WDR76: variants seen among roughly 807,000 people sequenced by gnomAD.
WDR76 encodes WD repeat domain 76.
Under a neutral mutation model 70.2 loss-of-function variants are expected in WDR76, and 52 were observed. The observed-to-expected ratio is 0.74, with a 90% CI of 0.59 to 0.93. WDR76 has a LOEUF of 0.93. WDR76 is among the 40% of genes least tolerant of loss of function. The pLI is 0.00. For synonymous variants in WDR76, 292 were observed against 271.1 expected (o/e 1.08, Z -0.76); for missense variants, 756 against 760.2 (o/e 0.99, Z 0.07).
chr15:43,830,876 G>A (rs2087578907), intron 2 of WDR76, among the ~76,000 whole-genome samples: 1 of 152,110 alleles, frequency 6.6e-6, no homozygotes, highest in South Asian at 2.1e-4. Flanking sequence ...GTGAAAGCCT[G>A]TCTCTCCTAA....
At chr15:43,827,389 G>T (rs2141718329) in intron 1 of WDR76, among the ~76,000 whole-genome samples, 1 of 152,272 alleles carries the variant, frequency 6.6e-6, no homozygotes, top group South Asian at 2.1e-4. Flanking sequence ...TGGGGTATTT[G>T]CCCCAGTCAC....
At chr15:43,838,601 T>C (rs1209991527) in intron 4 of WDR76, among the ~76,000 whole-genome samples, 1 of 152,260 alleles carries the variant, frequency 6.6e-6, no homozygotes, top group Admixed American at 6.5e-5. Context: ...GATTTTCTTA[T>C]TTTGCTCATC....
chr15:43,856,451 G>T (rs2087927988), intron 9 of WDR76, among the ~76,000 whole-genome samples: 1 of 152,170 alleles, frequency 6.6e-6, no homozygotes, highest in Non-Finnish European at 1.5e-5. Context: ...TTCACATTCA[G>T]TTCTTTTCTG....
chr15:43,842,928 G>C (rs1248624654), intron 7 of WDR76, among the ~76,000 whole-genome samples: 1 of 151,370 alleles, frequency 6.6e-6, no homozygotes, highest in Non-Finnish European at 1.5e-5. Context: ...TATATGTTCA[G>C]TGTTGAATAA....
At chr15:43,840,494 T>C (rs2087711158) in intron 5 of WDR76, among the ~76,000 whole-genome samples, 1 of 152,216 alleles carries the variant, frequency 6.6e-6, no homozygotes, top group South Asian at 2.1e-4. Flanking sequence ...GAGTTTTATT[T>C]AGCAAACATT....
chr15:43,857,495 AC>A, intron 10 of WDR76: 3 of 985,402 alleles, frequency 3.0e-6, no homozygotes, highest in Non-Finnish European at 3.6e-6. Flanking sequence ...GCCTGTGTTA[AC>A]TTTTTTCTAG....
Position 43,840,815 on chromosome 15 carries a change from CA to C in WDR76, c.732+1095del, listed in dbSNP as rs531023044. On this transcript the variant is annotated intron_variant, in intron 5 of 12. Transcript: ENST00000263795. ...GCAACATCAAGAGACCCTGTTCTTA[CA>C]AAAAAAATACAAAAATCAGCTGGGT... Among the ~76,000 whole-genome samples, 296 of 151,604 alleles carry C rather than the reference CA, an allele frequency of 2.0e-3. 1 individual carries two copies. The highest frequency in any genetic ancestry group is 3.9e-3 in the Admixed American group (59 of 15,190).
chr15:43,856,850 G>T (rs772451144), intron 9 of WDR76, 96 bp from the exon 10 acceptor site: 29 of 1,043,840 alleles, frequency 2.8e-5, no homozygotes, highest in Non-Finnish European at 4.0e-5. Context: ...GGTTATTTGG[G>T]TAAAGTGTTT....
chr15:43,828,096 T>C lies in WDR76; in HGVS notation c.192T>C (p.Leu64=). 1 of 1,614,156 alleles carries C rather than the reference T, an allele frequency of 6.2e-7. No individual in the cohort carries two copies. Among genetic ancestry groups the C allele is most frequent in the South Asian group, 1.1e-5 (1 of 91,082 alleles). ...FSLSNYQLDQ[L]MCPKSLSEKN... ...TCAGTAATTACCAGCTAGACCAGCT[T>C]ATGTGCCCCAAATCCCTATCAGAAA... The change falls in exon 2 of 13, where the codon CTT becomes CTC. Residue 64 remains leucine (L), a synonymous_variant. Coordinates refer to ENST00000263795, the MANE Select transcript of WDR76 (RefSeq NM_024908.4).
intron 9 of WDR76, among the ~76,000 whole-genome samples, chr15:43,851,615 A>C (rs1230963942): frequency 6.6e-6 from 1 of 152,126 alleles, no homozygotes; most frequent in East Asian, 1.9e-4. Context: ...AACTAAAATA[A>C]CTTACTCTTC....
Position 43,851,356 on chromosome 15 carries a change from T to C in WDR76, c.1191+111T>C, listed in dbSNP as rs1426058788. The C allele has an allele frequency of 2.1e-6, 3 of 1,421,800 alleles. No individual in the cohort carries two copies. In the East Asian group the frequency reaches 6.9e-5, roughly 33 times the overall value. 88.1% of individuals were successfully genotyped at this position (1,421,800 alleles called of 1,614,324 possible). A position where few individuals can be genotyped will look rare whatever the true frequency, so the allele number is the denominator to read the frequency against. The stretch of plus-strand genomic sequence containing the variant: ...GGAGAAGTGGTATAGCAGAAGGACT[T>C]TGAGAACTACGCTGCCTAAGTTCAA... On this transcript the variant is annotated intron_variant, in intron 9 of 12. Coordinates refer to ENST00000263795, the MANE Select transcript of WDR76 (RefSeq NM_024908.4).
chr15:43,839,331 C>T (rs1217074335), intron 4 of WDR76, among the ~76,000 whole-genome samples: 3 of 152,172 alleles, frequency 2.0e-5, no homozygotes, highest in Non-Finnish European at 4.4e-5. Context: ...TTCCTTTCAG[C>T]AGTGCATAAA....
chr15:43,835,955 C>A (rs900673111), intron 3 of WDR76, among the ~76,000 whole-genome samples: 32 of 151,042 alleles, frequency 2.1e-4, no homozygotes, highest in Non-Finnish European at 8.8e-5. Context: ...CCATGCCTGG[C>A]CTGTCTTTTT....
At chr15:43,858,083 C>G (rs1275266746) in intron 10 of WDR76, among the ~76,000 whole-genome samples, 3 of 148,516 alleles carry the variant, frequency 2.0e-5, no homozygotes, top group South Asian at 2.2e-4. Context: ...TAGGCGTGCA[C>G]TACCATACCT....
chr15:43,866,592 A>T lies in WDR76; in HGVS notation c.*200A>T. On this transcript the variant is annotated 3_prime_UTR_variant, in exon 13 of 13. Transcript: ENST00000263795. Reference sequence around the variant, plus strand: ...GTTGCTTCTGCAGGACGGGGAGGGAATTTGAGGGGAGGCTGAGGTGCCGTC... The same window carrying T: ...GTTGCTTCTGCAGGACGGGGAGGGATTTTGAGGGGAGGCTGAGGTGCCGTC... 3 of 503,546 alleles carry T rather than the reference A, an allele frequency of 6.0e-6. No homozygotes were observed. Among genetic ancestry groups the T allele is most frequent in the Admixed American group, 3.7e-5 (1 of 27,342 alleles). The allele number at this position is 503,546 out of a possible 1,614,324, so 31.2% of individuals were successfully genotyped here.
chr15:43,866,237 A>T lies in WDR76; in HGVS notation c.1726A>T (p.Ile576Phe). ...GSMAHPRRVEIFHETGKRVHS... is the reference protein window; with the variant it reads ...GSMAHPRRVEFFHETGKRVHS... ...CATGGCCCATCCACGACGGGTAGAA[A>T]TCTTCCATGAGACAGGAAAGAGGGT... The change falls in exon 13 of 13, where the codon ATC (isoleucine) becomes TTC (phenylalanine). Residue 576 changes from isoleucine to phenylalanine, a missense_variant. Ile to Phe is a conservative substitution (Grantham distance 21, BLOSUM62 0). Coordinates refer to ENST00000263795, the MANE Select transcript of WDR76 (RefSeq NM_024908.4). 6.2e-7 allele frequency: 1 copy of T among 1,614,184 alleles called. No individual in the cohort carries two copies. The highest frequency in any genetic ancestry group is 8.5e-7 in the Non-Finnish European group (1 of 1,180,044).
chr15:43,827,637 C>T (rs897162553), intron 1 of WDR76, among the ~76,000 whole-genome samples: 3 of 151,722 alleles, frequency 2.0e-5, no homozygotes, highest in Non-Finnish European at 4.4e-5. Context: ...CTCCGTCTCC[C>T]GGGTTCAAGT....
At chr15:43,842,118 G>A (rs1189597036) in intron 5 of WDR76, among the ~76,000 whole-genome samples, 2 of 152,028 alleles carry the variant, frequency 1.3e-5, no homozygotes, top group East Asian at 1.9e-4. Context: ...CGCCTGCCTC[G>A]GCCTGCCAAA....
intron 12 of WDR76, among the ~76,000 whole-genome samples, chr15:43,865,444 C>G (rs2088058831): frequency 6.6e-6 from 1 of 152,042 alleles, no homozygotes; most frequent in Non-Finnish European, 1.5e-5. Flanking sequence ...AGCTAATTTT[C>G]CTATTTTTAG....
Sources: allele counts gnomAD v4.1 joint callset (sites outside exome capture counted in the v4.1 genomes callset), GRCh38; gene constraint gnomAD v4.1.1; transcripts MANE v1.5; gene names NCBI Gene and HGNC (gene_info 2026-07-23, HGNC 2026-07-21).